The following GALNT14 variants were observed in gnomAD, a reference collection of about 807,000 sequenced individuals.
GALNT14 encodes UDP-GalNAc:polypeptide N-acetylgalactosaminyltransferase 14.
In GALNT14, 60 loss-of-function variants were observed where a neutral mutation model predicts 77.5. That is an observed-to-expected ratio of 0.77 (90% CI 0.63 to 0.96). GALNT14 has a LOEUF of 0.96. Ranked by LOEUF, GALNT14 falls within the 40% of genes least tolerant of loss-of-function variation. The pLI, the probability that GALNT14 is intolerant of heterozygous loss-of-function variation, is 0.00. For synonymous variants in GALNT14, 280 were observed against 281.7 expected, an observed-to-expected ratio of 0.99 and a Z score of 0.06; for missense variants, 710 against 731.0, an observed-to-expected ratio of 0.97 and a Z score of 0.33.
intron 9 of GALNT14, among the ~76,000 whole-genome samples, chr2:30,938,176 T>C (rs1201174321): frequency 6.6e-6 from 1 of 151,934 alleles, no homozygotes; most frequent in Non-Finnish European, 1.5e-5. Flanking sequence ...CTCGGCAGCC[T>C]TTTGTGCCTG....
chr2:31,017,057 C>T (rs1401714911), intron 1 of GALNT14, among the ~76,000 whole-genome samples: 1 of 152,236 alleles, frequency 6.6e-6, no homozygotes, highest in Admixed American at 6.5e-5. Flanking sequence ...GGTCTCAAAG[C>T]TAGCTATGGC....
In GALNT14 at chr2:31,031,448, T is replaced by C. The variant is rs149803072; in HGVS notation, c.130-38441A>G. Reference sequence around the variant, plus strand: ...TAGAACTAGTCATAAGGAAATGATATCTAGGCTCACTAAGATGACTAAAAT... The same window carrying C: ...TAGAACTAGTCATAAGGAAATGATACCTAGGCTCACTAAGATGACTAAAAT... On this transcript the variant is annotated intron_variant, in intron 1 of 14. Transcript: ENST00000349752. Among the ~76,000 whole-genome samples, 4 of 152,316 alleles carry C rather than the reference T, an allele frequency of 2.6e-5. No individual in the cohort carries two copies. The East Asian group carries it at 5.8e-4, about 22-fold the overall frequency.
chr2:31,133,314 A>G (rs1188237794), intron 1 of GALNT14, among the ~76,000 whole-genome samples: 13 of 152,240 alleles, frequency 8.5e-5, no homozygotes, highest in Admixed American at 7.8e-4. Flanking sequence ...CAATATGCAC[A>G]TACCAAGTAT....
chr2:30,924,440 GGAGCTACAGAGGGAGATGAGTAC>G, intron 12 of GALNT14, 177 bp from the exon 13 acceptor site: 1 of 678,450 alleles, frequency 1.5e-6, no homozygotes, highest in East Asian at 2.7e-5. Flanking sequence ...GAAAGACCCA[GGAGCTACAGAGGGAGATGAGTAC>G]CTGCAGTGAA....
At chr2:31,131,856 T>C (rs533968736) in intron 1 of GALNT14, among the ~76,000 whole-genome samples, 11 of 152,260 alleles carry the variant, frequency 7.2e-5, no homozygotes, top group Non-Finnish European at 1.2e-4. Flanking sequence ...AAAAGGTTAG[T>C]CTCTGGACAG....
intron 1 of GALNT14, among the ~76,000 whole-genome samples, chr2:31,047,038 C>A (rs577555218): frequency 1.3e-5 from 2 of 152,146 alleles, no homozygotes; most frequent in African/African-American, 4.8e-5. Flanking sequence ...GGAAGTAGAA[C>A]CTCCTGTGTG....
At chr2:31,087,740 C>T (rs1676518223) in intron 1 of GALNT14, among the ~76,000 whole-genome samples, 1 of 152,168 alleles carries the variant, frequency 6.6e-6, no homozygotes, top group African/African-American at 2.4e-5. Context: ...CAGATGAAAG[C>T]ACATCCATTG....
At chr2:30,966,941 GC>G (rs1268109979) in intron 2 of GALNT14, among the ~76,000 whole-genome samples, 1 of 152,198 alleles carries the variant, frequency 6.6e-6, no homozygotes, top group Non-Finnish European at 1.5e-5. Context: ...ATACCTCGCT[GC>G]AAGTGAAAAT....
intron 1 of GALNT14, among the ~76,000 whole-genome samples, chr2:31,124,086 C>T (rs540763120): frequency 6.6e-6 from 1 of 152,306 alleles, no homozygotes; most frequent in African/African-American, 2.4e-5. Flanking sequence ...AGCAGCACCC[C>T]ATATGGGTTT....
chr2:30,944,281 C>A (rs1433772446), intron 8 of GALNT14, among the ~76,000 whole-genome samples: 1 of 152,204 alleles, frequency 6.6e-6, no homozygotes, highest in Non-Finnish European at 1.5e-5. Flanking sequence ...ATGCAAAGCC[C>A]TAGCCACAAT....
intron 1 of GALNT14, among the ~76,000 whole-genome samples, chr2:31,085,153 C>A (rs13404171): frequency 0.059 from 8,984 of 152,268 alleles, 270 homozygotes; most frequent in South Asian, 0.086. Context: ...TGAAAGCTAT[C>A]TGACTCCCCC....
chr2:30,907,646 T>G, downstream of GALNT14, among the ~76,000 whole-genome samples: 1 of 151,664 alleles, frequency 6.6e-6, no homozygotes, highest in African/African-American at 2.4e-5. Flanking sequence ...GAGGAACTGG[T>G]ACCATTCCTT....
intron 1 of GALNT14, among the ~76,000 whole-genome samples, chr2:31,016,037 T>A (rs1431159010): frequency 6.6e-6 from 1 of 152,148 alleles, no homozygotes; most frequent in East Asian, 1.9e-4. Context: ...TAGAGTTTGC[T>A]CTACTAGCCC....
intron 1 of GALNT14, among the ~76,000 whole-genome samples, chr2:31,003,980 C>A (rs1348904391): frequency 2.0e-5 from 3 of 152,234 alleles, no homozygotes; most frequent in African/African-American, 7.2e-5. Flanking sequence ...CTTATCAACA[C>A]CCTGTAAATT....
At chr2:30,890,142 C>T in the GALNT14 span, among the ~76,000 whole-genome samples, 3 of 152,140 alleles carry the variant, frequency 2.0e-5, no homozygotes, top group African/African-American at 7.2e-5. Context: ...TAATGGCCAC[C>T]AGTAAAGGAG....
chr2:31,079,057 G>C, intron 1 of GALNT14: 1 of 1,260,160 alleles, frequency 7.9e-7, no homozygotes, highest in East Asian at 5.8e-5. Flanking sequence ...GCTGCAAACT[G>C]TTTTCAATTC....
chr2:30,911,078 G>C lies in GALNT14; in HGVS notation c.1501-19C>G, dbSNP rs976965495. ...TCCATTGCTGGTAAGACAAAGAAGA[G>C]AGTGAATGAACTAGGTGCCATCAGT... is the stretch of plus-strand genomic sequence containing the variant. On this transcript the variant is annotated intron_variant, in intron 14 of 14. Coordinates refer to ENST00000349752, the MANE Select transcript of GALNT14 (RefSeq NM_024572.4). 6.2e-7 allele frequency: 1 copy of C among 1,611,510 alleles called. No homozygotes were observed. Among genetic ancestry groups the C allele is most frequent in the Non-Finnish European group, 8.5e-7 (1 of 1,178,130 alleles).
In GALNT14 at chr2:30,924,737, T is replaced by C. The variant is rs201313795; in HGVS notation, c.1235+3A>G. ...CCAAAGCTCCAACAGGTAGGACGGA[T>C]ACCTGAGTTCAGGGTAGATATTCTC... On this transcript the variant is annotated splice_donor_region_variant and intron_variant, in intron 12 of 14. Coordinates refer to ENST00000349752, the MANE Select transcript of GALNT14 (RefSeq NM_024572.4). 2.2e-5 allele frequency: 36 copies of C among 1,613,572 alleles called. No individual in the cohort carries two copies. Among genetic ancestry groups the C allele is most frequent in the Non-Finnish European group, 3.1e-5 (36 of 1,179,640 alleles).
intron 1 of GALNT14, chr2:31,065,441 G>C (rs1346909652): frequency 6.6e-6 from 1 of 152,188 alleles, no homozygotes; most frequent in Non-Finnish European, 1.5e-5. Context: ...TACCTTTCAG[G>C]AAAGTGGTAA....
Sources: allele counts gnomAD v4.1 joint callset (sites outside exome capture counted in the v4.1 genomes callset), GRCh38; gene constraint gnomAD v4.1.1; transcripts MANE v1.5; gene names NCBI Gene and HGNC (gene_info 2026-07-23, HGNC 2026-07-21).